The following SYNJ2 variants were observed in gnomAD, a reference collection of about 807,000 sequenced individuals.
SYNJ2 encodes the protein polyphosphatidylinositol phosphatase SYNJ2.
A neutral mutation model predicts 141.3 loss-of-function variants in SYNJ2; 116 were observed. The ratio of observed to expected loss-of-function variants is 0.82; its 90% confidence interval spans 0.71 to 0.96. The LOEUF is 0.96. Among genes scored for constraint, SYNJ2 ranks in the 40% least tolerant of loss-of-function variants. The pLI is 0.00. For synonymous variants in SYNJ2, 745 were observed against 777.7 expected, an observed-to-expected ratio of 0.96 and a Z score of 0.70; for missense variants, 1,873 against 1,934.8, an observed-to-expected ratio of 0.97 and a Z score of 0.60.
At chr6:158,039,404 C>T (rs978149186) in intron 4 of SYNJ2, among the ~76,000 whole-genome samples, 3 of 152,156 alleles carry the variant, frequency 2.0e-5, no homozygotes, top group Non-Finnish European at 2.9e-5. Context: ...GGGAAGCAGC[C>T]CCGTGAGGAT....
chr6:158,063,888 A>G lies in SYNJ2; in HGVS notation c.1209+16A>G. On this transcript the variant is annotated intron_variant, in intron 9 of 26. Transcript: ENST00000355585. ...CGCGCTCGAGGTGCGTCCCTGCCACAGCCTTTTCGGCCATCTGTGCCAGGT... is the reference window on the plus strand; with the variant it reads ...CGCGCTCGAGGTGCGTCCCTGCCACGGCCTTTTCGGCCATCTGTGCCAGGT... The G allele has an allele frequency of 6.2e-7, 1 of 1,613,096 alleles. No homozygotes were observed.
chr6:158,037,446 G>T (rs1350568144), intron 4 of SYNJ2, among the ~76,000 whole-genome samples: 1 of 139,538 alleles, frequency 7.2e-6, no homozygotes, highest in African/African-American at 2.8e-5. Flanking sequence ...CTGTCACCCA[G>T]GCTGGAGTTC....
rs187960089 is a variant in SYNJ2 at position 157,984,121 on chromosome 6, C to T, written c.127+2033C>T. ...AAAGCGTTGGGATTACAGGCATGAA[C>T]TACTTACTGCGTCTGGCCTGAAAAC... is the stretch of plus-strand genomic sequence containing the variant. On this transcript the variant is annotated intron_variant, in intron 1 of 26. Coordinates refer to ENST00000355585, the MANE Select transcript of SYNJ2 (RefSeq NM_003898.4). Among the ~76,000 whole-genome samples, 4 of 152,350 alleles carry T rather than the reference C, an allele frequency of 2.6e-5. No homozygotes were observed. The East Asian group carries it at 5.8e-4, about 22-fold the overall frequency.
At position 158,081,280 on chromosome 6, in the gene SYNJ2, T is replaced by A. The variant is rs748827884; in HGVS notation, c.2739T>A (p.Thr913=). The part of the protein sequence containing the change: ...EKNEFPEDLR[T]ELMQTLGSYG... ...ACGAGTTTCCAGAGGACCTGCGTACTGAGCTCATGCAGACCTTGGGGAGTT... is the reference window on the plus strand; with the variant it reads ...ACGAGTTTCCAGAGGACCTGCGTACAGAGCTCATGCAGACCTTGGGGAGTT... The change falls in exon 19 of 27, where the codon ACT becomes ACA. Residue 913 remains threonine, a synonymous_variant. Transcript: ENST00000355585. The A allele has an allele frequency of 6.2e-7, 1 of 1,614,182 alleles. No individual in the cohort carries two copies. Among genetic ancestry groups the A allele is most frequent in the South Asian group, 1.1e-5 (1 of 91,080 alleles).
Position 158,085,685 on chromosome 6 carries a change from CTT to C in SYNJ2, c.3209-1169_3209-1168del, listed in dbSNP as rs562798858. Among the ~76,000 whole-genome samples, 353 of 152,338 alleles carry C rather than the reference CTT, an allele frequency of 2.3e-3. 1 individual carries two copies. The highest frequency in any genetic ancestry group is 7.9e-3 in the African/African-American group (330 of 41,582). Reference sequence around the variant, plus strand: ...TACCGAACCATCAGGAGCTTTTAAACTTATGGATTTTTGAGCCCTACCAGAGA... The same window carrying C: ...TACCGAACCATCAGGAGCTTTTAAACATGGATTTTTGAGCCCTACCAGAGA... On this transcript the variant is annotated intron_variant, in intron 22 of 26. Coordinates refer to ENST00000355585, the MANE Select transcript of SYNJ2 (RefSeq NM_003898.4).
chr6:158,094,394 CAAAAAAAAA>C (rs532980446), intron 26 of SYNJ2, among the ~76,000 whole-genome samples: 7 of 72,950 alleles, frequency 9.6e-5, no homozygotes, highest in African/African-American at 3.8e-4. Flanking sequence ...TACGGCTGGG[CAAAAAAAAA>C]AAAAAAAAAA....
At position 158,033,539 on chromosome 6, in the gene SYNJ2, C is replaced by T. The variant is rs1779482577; in HGVS notation, c.570C>T (p.Thr190=). 1 of 1,614,074 alleles carries T rather than the reference C, an allele frequency of 6.2e-7. No homozygotes were observed. The highest frequency in any genetic ancestry group is 8.5e-7 in the Non-Finnish European group (1 of 1,180,056). The change falls in exon 4 of 27, where the codon ACC becomes ACT. Residue 190 remains threonine (T), a synonymous_variant. Coordinates refer to ENST00000355585, the MANE Select transcript of SYNJ2 (RefSeq NM_003898.4). ...WLLKIICGVV[T]IRTVYASHKQ... ...TGAAGATCATCTGCGGGGTGGTCAC[C>T]ATCCGCACCGTGTATGCCTCCCACA...
chr6:158,069,437 G>T, intron 13 of SYNJ2, 96 bp from the exon 14 acceptor site: 3 of 1,449,932 alleles, frequency 2.1e-6, no homozygotes, highest in Non-Finnish European at 2.8e-6. Context: ...AATCAGTTCT[G>T]CAAACAGAAT....
intron 26 of SYNJ2, 101 bp from the exon 27 acceptor site, chr6:158,095,517 C>T: frequency 2.1e-6 from 3 of 1,412,876 alleles, no homozygotes; most frequent in South Asian, 3.0e-5. Context: ...AGAATGTCAG[C>T]TTGGTCTCAT....
At chr6:157,983,501 T>C (rs1428497449) in intron 1 of SYNJ2, among the ~76,000 whole-genome samples, 4 of 152,248 alleles carry the variant, frequency 2.6e-5, no homozygotes, top group Admixed American at 6.5e-5. Flanking sequence ...TACTGTTTCA[T>C]CAAATAGATT....
intron 6 of SYNJ2, 82 bp from the exon 7 acceptor site, chr6:158,059,175 G>A (rs772755873): frequency 3.3e-5 from 45 of 1,360,994 alleles, no homozygotes; most frequent in African/African-American, 1.2e-4. Flanking sequence ...CTCCTGCCCC[G>A]TCTTCCCTTG....
chr6:158,046,041 C>G (rs1780219396), intron 5 of SYNJ2, among the ~76,000 whole-genome samples: 2 of 152,182 alleles, frequency 1.3e-5, no homozygotes, highest in African/African-American at 4.8e-5. Flanking sequence ...TTCCTGGGTT[C>G]AAGAGATTCT....
rs774752270 is a variant in SYNJ2, at chr6:158,095,847, C to A, written c.3974C>A (p.Ala1325Glu). 5 of 1,614,082 alleles carry A rather than the reference C, an allele frequency of 3.1e-6. No homozygotes were observed. The highest frequency in any genetic ancestry group is 1.3e-5 in the African/African-American group (1 of 75,064). Residue 1325 changes from alanine (A) to glutamate (E), a missense_variant, in exon 27 of 27, where the codon GCG (alanine) becomes GAG (glutamate). Coordinates refer to ENST00000355585, the MANE Select transcript of SYNJ2 (RefSeq NM_003898.4). The part of the protein sequence containing the change: ...AGASVPPPLE[A>E]PPLVPKVPPR... ...GCCTCTGTGCCACCACCTCTGGAGG[C>A]GCCGCCTCTTGTGCCCAAGGTACCC...
Position 158,081,289 on chromosome 6 carries a change from G to A in SYNJ2, c.2748G>A (p.Met916Ile), listed in dbSNP as rs1453147975. The change falls in exon 19 of 27, where the codon ATG (methionine) becomes ATA (isoleucine). Residue 916 changes from methionine (M) to isoleucine (I), a missense_variant. Coordinates refer to ENST00000355585, the MANE Select transcript of SYNJ2 (RefSeq NM_003898.4). ...CAGAGGACCTGCGTACTGAGCTCAT[G>A]CAGACCTTGGGGAGTTATGGGACAA... ...EFPEDLRTELMQTLGSYGTIV... is the reference protein window; with the variant it reads ...EFPEDLRTELIQTLGSYGTIV... The A allele has an allele frequency of 6.2e-7, 1 of 1,614,182 alleles. No homozygotes were observed. The highest frequency in any genetic ancestry group is 1.7e-5 in the Admixed American group (1 of 60,020).
intron 2 of SYNJ2, among the ~76,000 whole-genome samples, chr6:158,021,676 A>G (rs554551911): frequency 2.4e-4 from 37 of 152,292 alleles, no homozygotes; most frequent in African/African-American, 8.7e-4. Context: ...TGCACAGGCT[A>G]GCAGAGGGCT....
chr6:158,067,387 C>A, intron 12 of SYNJ2: 1 of 969,838 alleles, frequency 1.0e-6, no homozygotes, highest in Non-Finnish European at 1.2e-6. Context: ...CTCTATTAAT[C>A]TGCTTTAAGT....
intron 5 of SYNJ2, among the ~76,000 whole-genome samples, chr6:158,052,402 T>C (rs976132873): frequency 2.0e-5 from 3 of 152,228 alleles, no homozygotes; most frequent in African/African-American, 7.2e-5. Flanking sequence ...TGCCTTGCTG[T>C]AAAGGAATAC....
rs760257721 is a variant in SYNJ2, at chr6:158,073,898, TTTG to T, written c.2134-679_2134-677del. Among the ~76,000 whole-genome samples, 358 of 49,146 alleles carry T rather than the reference TTTG, an allele frequency of 7.3e-3. 2 individuals carry two copies. The highest frequency in any genetic ancestry group is 0.019 in the African/African-American group (240 of 12,370). The allele number at this position is 49,146 out of a possible 152,430, so 32.2% of individuals were successfully genotyped here. Reference sequence around the variant, plus strand: ...TCAGCAAGTGCCTTTGTTTCTGAACTTTGTTTTTTTTTTTTTAATCTAAGAGAG... The same window carrying T: ...TCAGCAAGTGCCTTTGTTTCTGAACTTTTTTTTTTTTTTAATCTAAGAGAG... On this transcript the variant is annotated intron_variant, in intron 15 of 26. Coordinates refer to ENST00000355585, the MANE Select transcript of SYNJ2 (RefSeq NM_003898.4).
Position 158,006,951 on chromosome 6 carries a change from G to C in SYNJ2, c.128-10253G>C, listed in dbSNP as rs551751248. 2.6e-5 allele frequency among the ~76,000 whole-genome samples: 4 copies of C among 152,114 alleles called. No individual in the cohort carries two copies. The South Asian group carries it at 8.3e-4, about 32-fold the overall frequency. On this transcript the variant is annotated intron_variant, in intron 1 of 26. Coordinates refer to ENST00000355585, the MANE Select transcript of SYNJ2 (RefSeq NM_003898.4). The stretch of plus-strand genomic sequence containing the variant: ...AGCCTCCCAAAGTGCTGGGATTACA[G>C]GCATGAGCCATGGCACCGATCTGTT...
Sources: allele counts gnomAD v4.1 joint callset (sites outside exome capture counted in the v4.1 genomes callset), GRCh38; gene constraint gnomAD v4.1.1; transcripts MANE v1.5; gene names NCBI Gene and HGNC (gene_info 2026-07-23, HGNC 2026-07-21).